The following NEK11 variants were observed in gnomAD, a reference collection of about 807,000 sequenced individuals.
The protein encoded by NEK11 is NIMA related kinase 11.
A neutral mutation model predicts 80.7 loss-of-function variants in NEK11; 72 were observed. The observed-to-expected ratio is 0.89, with a 90% CI of 0.74 to 1.08. The LOEUF (loss-of-function observed/expected upper bound fraction) is 1.08, where lower values mean the gene tolerates loss of function less well. Among genes scored for constraint, NEK11 ranks in the 50% least tolerant of loss-of-function variants. The pLI is 0.00. For synonymous variants in NEK11, 251 were observed against 260.7 expected, an observed-to-expected ratio of 0.96 and a Z score of 0.36; for missense variants, 764 against 763.6, an observed-to-expected ratio of 1.00 and a Z score of -0.01.
intron 15 of NEK11, among the ~76,000 whole-genome samples, chr3:131,239,141 C>A (rs2095482121): frequency 6.6e-6 from 1 of 151,764 alleles, no homozygotes; most frequent in South Asian, 2.1e-4. Flanking sequence ...TCCAGAGTGA[C>A]TCTGGGTGAG....
rs768747836 is a variant in NEK11 at position 131,080,599 on chromosome 3, C to A, written c.336+11C>A. ...ACGGAGTACTGTGAGGTGAGACTCTCCTTTTCTCTTGGAAGTCTTTATAAA... is the reference window on the plus strand; with the variant it reads ...ACGGAGTACTGTGAGGTGAGACTCTACTTTTCTCTTGGAAGTCTTTATAAA... On this transcript the variant is annotated intron_variant, in intron 4 of 17. Coordinates refer to ENST00000383366, the MANE Select transcript of NEK11 (RefSeq NM_024800.5). 9 of 1,595,002 alleles carry A rather than the reference C, an allele frequency of 5.6e-6. No homozygotes were observed. Among genetic ancestry groups the A allele is most frequent in the Non-Finnish European group, 7.7e-6 (9 of 1,174,104 alleles).
In NEK11 at chr3:131,146,598, T is replaced by C. The variant is rs575243880; in HGVS notation, c.648-5790T>C. ...AATTCATAACATAAACATTCTACAT[T>C]AGTAAAAGTATTTGGTTCAACTTGA... On this transcript the variant is annotated intron_variant, in intron 7 of 17. Transcript: ENST00000383366. 2.0e-5 allele frequency among the ~76,000 whole-genome samples: 3 copies of C among 152,330 alleles called. No homozygotes were observed. The East Asian group carries it at 5.8e-4, about 29-fold the overall frequency.
chr3:131,107,607 G>A (rs1406646175), intron 4 of NEK11, among the ~76,000 whole-genome samples: 1 of 152,056 alleles, frequency 6.6e-6, no homozygotes, highest in Non-Finnish European at 1.5e-5. Context: ...CTCAAGTCCT[G>A]CAGTTGGCCC....
chr3:131,287,988 C>T (rs2096493798), intron 17 of NEK11, among the ~76,000 whole-genome samples: 1 of 152,134 alleles, frequency 6.6e-6, no homozygotes, highest in Admixed American at 6.5e-5. Context: ...TCATAAAAAA[C>T]CTGGTGGCAA....
At chr3:131,161,355 T>A (rs2149931277) in intron 10 of NEK11, among the ~76,000 whole-genome samples, 1 of 152,248 alleles carries the variant, frequency 6.6e-6, no homozygotes, top group East Asian at 1.9e-4. Flanking sequence ...GGAATATAAA[T>A]CATTCTATCA....
intron 7 of NEK11, among the ~76,000 whole-genome samples, chr3:131,144,198 A>G (rs1392885338): frequency 6.6e-6 from 1 of 152,166 alleles, no homozygotes; most frequent in African/African-American, 2.4e-5. Context: ...TGGCAAGTTT[A>G]TGGAGTTCAG....
At chr3:131,135,238 G>A (rs947612594) in intron 7 of NEK11, among the ~76,000 whole-genome samples, 7 of 152,016 alleles carry the variant, frequency 4.6e-5, no homozygotes, top group Non-Finnish European at 7.4e-5. Flanking sequence ...CATGAATCCC[G>A]TCCTTTCAAT....
chr3:131,250,084 T>G (rs2095672172), intron 16 of NEK11, among the ~76,000 whole-genome samples: 1 of 151,956 alleles, frequency 6.6e-6, no homozygotes, highest in South Asian at 2.1e-4. Flanking sequence ...ATACAGAGAA[T>G]AAGAAAGAGC....
At chr3:131,107,446 C>G (rs1359984852) in intron 4 of NEK11, among the ~76,000 whole-genome samples, 1 of 151,706 alleles carries the variant, frequency 6.6e-6, no homozygotes, top group Non-Finnish European at 1.5e-5. Flanking sequence ...TTTTCTTTAT[C>G]ATTGTCTTCA....
At chr3:131,319,610 C>A (rs767272157) in intron 17 of NEK11, among the ~76,000 whole-genome samples, 1 of 152,186 alleles carries the variant, frequency 6.6e-6, no homozygotes, top group Non-Finnish European at 1.5e-5. Context: ...GAAATATCTT[C>A]TCTTCTTACT....
At chr3:131,047,403 T>C (rs2067571098) in intron 3 of NEK11, among the ~76,000 whole-genome samples, 1 of 152,208 alleles carries the variant, frequency 6.6e-6, no homozygotes, top group African/African-American at 2.4e-5. Context: ...TTGAGTAGAC[T>C]ACATCAGAGA....
At chr3:131,283,544 G>A (rs868767372) in intron 17 of NEK11, among the ~76,000 whole-genome samples, 1 of 143,304 alleles carries the variant, frequency 7.0e-6, no homozygotes, top group African/African-American at 2.8e-5. Flanking sequence ...GTGTGTGTGT[G>A]TGTGTATCAC....
At chr3:131,305,635 C>T (rs1452132077) in intron 17 of NEK11, among the ~76,000 whole-genome samples, 1 of 152,210 alleles carries the variant, frequency 6.6e-6, no homozygotes, top group Admixed American at 6.5e-5. Flanking sequence ...GCTGGAATCT[C>T]ACCCCGTCCA....
At chr3:131,255,453 C>T (rs2095799459) in intron 16 of NEK11, among the ~76,000 whole-genome samples, 2 of 152,170 alleles carry the variant, frequency 1.3e-5, no homozygotes, top group Non-Finnish European at 2.9e-5. Flanking sequence ...ACAGTGGTAT[C>T]CTAACCCACA....
At chr3:131,098,888 G>A (rs1260596837) in intron 4 of NEK11, among the ~76,000 whole-genome samples, 1 of 150,592 alleles carries the variant, frequency 6.6e-6, no homozygotes, top group Non-Finnish European at 1.5e-5. Context: ...AACGTTTGTT[G>A]GATGCATCAT....
intron 14 of NEK11, among the ~76,000 whole-genome samples, chr3:131,206,842 C>A (rs570046558): frequency 1.3e-5 from 2 of 149,814 alleles, no homozygotes; most frequent in African/African-American, 2.5e-5. Flanking sequence ...CATCCCCTCA[C>A]CCCACGACAG....
At chr3:131,105,662 C>G (rs143029029) in intron 4 of NEK11, among the ~76,000 whole-genome samples, 1 of 152,268 alleles carries the variant, frequency 6.6e-6, no homozygotes, top group Non-Finnish European at 1.5e-5. Context: ...ACCATCAGAT[C>G]TTCTGAGACT....
At chr3:131,114,228 T>C (rs190458764) in intron 5 of NEK11, among the ~76,000 whole-genome samples, 40 of 152,356 alleles carry the variant, frequency 2.6e-4, no homozygotes, top group African/African-American at 9.4e-4. Flanking sequence ...CTTAATTGTC[T>C]GACTTTAAAA....
At chr3:131,314,922 A>C (rs965557403) in intron 17 of NEK11, among the ~76,000 whole-genome samples, 22 of 152,236 alleles carry the variant, frequency 1.4e-4, no homozygotes, top group African/African-American at 5.1e-4. Context: ...GCAACAAACA[A>C]ATAACTTATA....
Sources: gnomAD v4.1 joint callset for allele counts (sites outside exome capture counted in the v4.1 genomes callset) on GRCh38, gnomAD v4.1.1 for gene constraint, MANE v1.5 for transcripts, NCBI Gene and HGNC (gene_info 2026-07-23, HGNC 2026-07-21) for gene names.